Variants in CDH12 observed in about 807,000 individuals in gnomAD.
CDH12 encodes the protein cadherin 12.
In CDH12, 41 loss-of-function variants were observed where a neutral mutation model predicts 74.1. That is an observed-to-expected ratio of 0.55 (90% CI 0.43 to 0.72). CDH12 has a LOEUF of 0.72. CDH12 is among the 30% of genes least tolerant of loss of function. The pLI is 0.00. For synonymous variants in CDH12, 399 were observed against 355.0 expected (o/e 1.12, Z -1.39); for missense variants, 945 against 977.2 (o/e 0.97, Z 0.44).
intron 12 of CDH12, among the ~76,000 whole-genome samples, chr5:21,762,264 T>C (rs1175374271): frequency 6.6e-6 from 1 of 152,154 alleles, no homozygotes; most frequent in African/African-American, 2.4e-5. Flanking sequence ...GGCACTTATC[T>C]GGAAGTGTTG....
intron 2 of CDH12, among the ~76,000 whole-genome samples, chr5:22,463,713 T>G (rs1023501709): frequency 5.9e-5 from 9 of 152,184 alleles, no homozygotes. Flanking sequence ...ATTAAAGTAT[T>G]CATTAATTTA....
intron 7 of CDH12, among the ~76,000 whole-genome samples, chr5:21,851,655 A>C (rs1750474529): frequency 6.6e-6 from 1 of 151,328 alleles, no homozygotes; most frequent in African/African-American, 2.4e-5. Context: ...ATTATTTCAT[A>C]GTTAAGGCAA....
At chr5:22,651,336 T>C (rs1422448429) in intron 1 of CDH12, among the ~76,000 whole-genome samples, 1 of 152,028 alleles carries the variant, frequency 6.6e-6, no homozygotes, top group Non-Finnish European at 1.5e-5. Context: ...TCCCCAAGAT[T>C]GGGCAATTTA....
chr5:21,898,546 CA>C (rs1327582654), intron 6 of CDH12, among the ~76,000 whole-genome samples: 1 of 151,684 alleles, frequency 6.6e-6, no homozygotes, highest in Non-Finnish European at 1.5e-5. Context: ...ACTAAAAATA[CA>C]AAAAATTAGC....
intron 1 of CDH12, among the ~76,000 whole-genome samples, chr5:22,632,259 C>T (rs578076578): frequency 6.6e-6 from 1 of 152,152 alleles, no homozygotes; most frequent in South Asian, 2.1e-4. Context: ...TCCTATACAG[C>T]CTGCAGAACA....
intron 1 of CDH12, among the ~76,000 whole-genome samples, chr5:22,608,352 G>A (rs1345155851): frequency 2.0e-5 from 3 of 152,162 alleles, no homozygotes; most frequent in African/African-American, 4.8e-5. Context: ...AGAATTGGAT[G>A]GGGCCTGTAT....
At chr5:22,488,629 A>G (rs1317941793) in intron 2 of CDH12, among the ~76,000 whole-genome samples, 1 of 152,080 alleles carries the variant, frequency 6.6e-6, no homozygotes, top group Non-Finnish European at 1.5e-5. Flanking sequence ...TGGGCTCTCA[A>G]ACTCTGGGCC....
intron 1 of CDH12, among the ~76,000 whole-genome samples, chr5:22,740,256 G>A (rs1744950486): frequency 6.6e-6 from 1 of 151,948 alleles, no homozygotes; most frequent in African/African-American, 2.4e-5. Context: ...TTTACATAAC[G>A]TGGATCTTAC....
chr5:21,940,221 C>T (rs540671061), intron 6 of CDH12, among the ~76,000 whole-genome samples: 25 of 151,418 alleles, frequency 1.7e-4, no homozygotes, highest in African/African-American at 5.8e-4. Flanking sequence ...AGCGAGACTC[C>T]ATCTCAAAAA....
intron 2 of CDH12, among the ~76,000 whole-genome samples, chr5:22,497,684 C>T (rs968019603): frequency 2.9e-5 from 4 of 138,988 alleles, no homozygotes; most frequent in African/African-American, 1.1e-4. Flanking sequence ...GCTCTGTCAC[C>T]TAGGCTGGAA....
At chr5:21,848,817 C>T (rs1200915827) in intron 7 of CDH12, among the ~76,000 whole-genome samples, 1 of 151,788 alleles carries the variant, frequency 6.6e-6, no homozygotes, top group Admixed American at 6.6e-5. Flanking sequence ...TCTAGTGTCC[C>T]ATAGTAGCAT....
intron 11 of CDH12, chr5:21,779,161 T>C (rs1318618494): frequency 6.6e-6 from 1 of 152,126 alleles, no homozygotes; most frequent in African/African-American, 2.4e-5. Context: ...ATATAAAATA[T>C]ATTCTAAGGA....
intron 1 of CDH12, among the ~76,000 whole-genome samples, chr5:22,682,090 A>C (rs561940614): frequency 6.6e-6 from 1 of 152,260 alleles, no homozygotes; most frequent in Non-Finnish European, 1.5e-5. Flanking sequence ...TTAAATCAAT[A>C]GTTCACTGAA....
chr5:22,635,352 T>C (rs917487889), intron 1 of CDH12, among the ~76,000 whole-genome samples: 11 of 152,086 alleles, frequency 7.2e-5, no homozygotes, highest in African/African-American at 1.4e-4. Context: ...ATACAAAATT[T>C]ATCATGGACA....
chr5:21,981,489 C>T (rs1473015024), intron 5 of CDH12, among the ~76,000 whole-genome samples: 1 of 152,066 alleles, frequency 6.6e-6, no homozygotes, highest in Non-Finnish European at 1.5e-5. Context: ...ATCACCCTAA[C>T]ACCCTTCAAT....
At chr5:22,059,595 T>C (rs555470766) in intron 5 of CDH12, among the ~76,000 whole-genome samples, 16 of 152,254 alleles carry the variant, frequency 1.1e-4, no homozygotes, top group Non-Finnish European at 1.9e-4. Context: ...TAGTATATCA[T>C]TGGAAAATAT....
chr5:22,347,152 A>T (rs1217873762), intron 3 of CDH12, among the ~76,000 whole-genome samples: 2 of 152,164 alleles, frequency 1.3e-5, no homozygotes, highest in African/African-American at 2.4e-5. Flanking sequence ...ACTTGATTGG[A>T]TTGAAGGATG....
At chr5:22,614,101 T>C (rs1737561018) in intron 1 of CDH12, among the ~76,000 whole-genome samples, 2 of 152,120 alleles carry the variant, frequency 1.3e-5, no homozygotes, top group African/African-American at 2.4e-5. Context: ...AAGTATAAAA[T>C]ATAGAGCAAG....
chr5:22,532,350 GATATATATAT>G lies in CDH12; in HGVS notation c.-522-26996_-522-26987del, dbSNP rs71609770. 4.6e-3 allele frequency among the ~76,000 whole-genome samples: 128 copies of G among 27,560 alleles called. 18 individuals carry two copies. In the South Asian group the frequency reaches 0.084, roughly 18 times the overall value. The allele number at this position is 27,560 out of a possible 152,430, so 18.1% of individuals were successfully genotyped here. ...TCTAACAGATAAATTATATAAATAGGATATATATATATATATATATATATATATGTATGTA... is the reference window on the plus strand; with the variant it reads ...TCTAACAGATAAATTATATAAATAGGATATATATATATATATATGTATGTA... On this transcript the variant is annotated intron_variant, in intron 1 of 14. Transcript: ENST00000382254.
Sources: gnomAD v4.1 joint callset for allele counts (sites outside exome capture counted in the v4.1 genomes callset) on GRCh38, gnomAD v4.1.1 for gene constraint, MANE v1.5 for transcripts, NCBI Gene and HGNC (gene_info 2026-07-23, HGNC 2026-07-21) for gene names.